Variants in MACF1 observed in about 807,000 individuals in gnomAD.
The protein encoded by MACF1 is microtubule actin crosslinking factor 1.
In MACF1, 193 loss-of-function variants were observed where a neutral mutation model predicts 854.8. That is an observed-to-expected ratio of 0.23 (90% CI 0.20 to 0.25). The LOEUF (loss-of-function observed/expected upper bound fraction) is 0.25, where lower values mean the gene tolerates loss of function less well. Among genes scored for constraint, MACF1 ranks in the 10% least tolerant of loss-of-function variants. The pLI, the probability that MACF1 is intolerant of heterozygous loss-of-function variation, is 1.00. For synonymous variants in MACF1, 3,185 were observed against 3,226.7 expected (o/e 0.99, Z 0.44); for missense variants, 7,722 against 8,929.1 (o/e 0.86, Z 5.45).
intron 2 of MACF1, among the ~76,000 whole-genome samples, chr1:39,125,272 C>T (rs565896889): frequency 6.6e-6 from 1 of 152,256 alleles, no homozygotes; most frequent in East Asian, 1.9e-4. Context: ...CTTGTTCAAG[C>T]AGGTTGGTGT....
In MACF1 at chr1:39,300,367, G is replaced by A; in HGVS notation, c.2634+5G>A. On this transcript the variant is annotated splice_donor_5th_base_variant and intron_variant, in intron 22 of 100. Transcript: ENST00000564288. The stretch of plus-strand genomic sequence containing the variant: ...TGTGACTACAGGCAGATCGAGGTGA[G>A]GAGGTAGAAAGGGTACCTCTGGGCC... 1 of 1,613,330 alleles carries A rather than the reference G, an allele frequency of 6.2e-7. No individual in the cohort carries two copies. The highest frequency in any genetic ancestry group is 8.5e-7 in the Non-Finnish European group (1 of 1,179,704).
Position 39,430,869 on chromosome 1 carries a change from G to C in MACF1, c.17298G>C (p.Arg5766Ser), listed in dbSNP as rs774818890. 6.2e-6 allele frequency: 10 copies of C among 1,612,388 alleles called. No individual in the cohort carries two copies. The highest frequency in any genetic ancestry group is 1.3e-5 in the African/African-American group (1 of 74,812). ...YKLVSDTIGQ[R>S]VDEIDAAIQR... ...TAGTCAGTGACACTATTGGACAAAG[G>C]GTGGATGAAATTGATGCTGCTATTC... Residue 5766 changes from arginine (R) to serine (S), a missense_variant, in exon 66 of 101, where the codon AGG (arginine) becomes AGC (serine). Physicochemically the swap from Arg to Ser is moderately radical, Grantham distance 110 (BLOSUM62 -1). This residue lies in a region of MACF1 where 2,807 missense variants were observed against 3,235.8 expected (regional missense o/e 0.87). Transcript: ENST00000564288.
At chr1:39,220,481 A>ATTTTTTTT (rs370805398) in intron 1 of MACF1, among the ~76,000 whole-genome samples, 1 of 126,428 alleles carries the variant, frequency 7.9e-6, no homozygotes, top group Non-Finnish European at 1.6e-5. Context: ...CCTTTAATGA[A>ATTTTTTTT]TTTTTTTTTT....
At chr1:39,180,356 CTG>C (rs1222405930) in intron 2 of MACF1, among the ~76,000 whole-genome samples, 8 of 152,068 alleles carry the variant, frequency 5.3e-5, no homozygotes, top group Non-Finnish European at 8.8e-5. Context: ...TGGCTCGTAT[CTG>C]TAATCCCAGC....
chr1:39,403,388 C>A (rs1273336464), intron 58 of MACF1, among the ~76,000 whole-genome samples: 1 of 152,078 alleles, frequency 6.6e-6, no homozygotes, highest in Non-Finnish European at 1.5e-5. Context: ...TGTGAGCCAC[C>A]ACGCCTGGCC....
At chr1:39,118,557 A>G (rs1267084745) in intron 2 of MACF1, among the ~76,000 whole-genome samples, 2 of 152,208 alleles carry the variant, frequency 1.3e-5, no homozygotes, top group Non-Finnish European at 2.9e-5. Context: ...CCTGTGGGAG[A>G]GAAAGATAGA....
intron 2 of MACF1, among the ~76,000 whole-genome samples, chr1:39,092,016 G>A (rs4660401): frequency 0.41 from 62,699 of 152,052 alleles, 13,950 homozygotes; most frequent in South Asian, 0.67. Flanking sequence ...ACTGAGCTAC[G>A]TTGCAAGTCC....
At chr1:39,223,372 C>T (rs1236491989) in intron 1 of MACF1, among the ~76,000 whole-genome samples, 3 of 152,214 alleles carry the variant, frequency 2.0e-5, no homozygotes, top group Non-Finnish European at 4.4e-5. Context: ...AGTTTGACTT[C>T]ATGACTTACC....
intron 58 of MACF1, among the ~76,000 whole-genome samples, chr1:39,418,690 C>G (rs1412463775): frequency 3.3e-5 from 5 of 152,196 alleles, no homozygotes; most frequent in African/African-American, 1.2e-4. Context: ...TGGTGAAACC[C>G]TGTCTCTACC....
intron 55 of MACF1, among the ~76,000 whole-genome samples, chr1:39,381,380 G>GC (rs990323077): frequency 3.0e-5 from 4 of 131,702 alleles, no homozygotes; most frequent in African/African-American, 9.0e-5. Context: ...TTTTTTTTTG[G>GC]GGGGGGGGAC....
At position 39,458,060 on chromosome 1, in the gene MACF1, TGAAC is replaced by T. The variant is rs533317835; in HGVS notation, c.21076-309_21076-306del. The T allele has an allele frequency of 2.3e-5, 5 of 219,906 alleles. No homozygotes were observed. In the South Asian group the frequency reaches 5.9e-4, roughly 26 times the overall value. The allele number at this position is 219,906 out of a possible 1,614,324, so 13.6% of individuals were successfully genotyped here. ...TCCTTTTAAACAGCCAGTTCTCATG[TGAAC>T]TAACAGCAAGAACTCACTCATTACC... On this transcript the variant is annotated intron_variant, in intron 89 of 100. Coordinates refer to ENST00000564288, the MANE Select transcript of MACF1 (RefSeq NM_001394062.1).
At chr1:39,342,887 C>T (rs528594298) in intron 40 of MACF1, among the ~76,000 whole-genome samples, 1 of 152,190 alleles carries the variant, frequency 6.6e-6, no homozygotes, top group East Asian at 1.9e-4. Context: ...TGCAAAAGAC[C>T]TATTTCTGTT....
At chr1:39,406,969 A>T (rs1283553197) in intron 58 of MACF1, among the ~76,000 whole-genome samples, 1 of 152,208 alleles carries the variant, frequency 6.6e-6, no homozygotes, top group African/African-American at 2.4e-5. Context: ...GGAAAATTAA[A>T]ACCTGGATTC....
At chr1:39,308,848 G>T (rs1040294304) in intron 23 of MACF1, among the ~76,000 whole-genome samples, 1 of 151,908 alleles carries the variant, frequency 6.6e-6, no homozygotes, top group Non-Finnish European at 1.5e-5. Context: ...TAGAGATGGG[G>T]TTTCTCCTTG....
At chr1:39,144,622 A>G (rs966859577) in intron 2 of MACF1, among the ~76,000 whole-genome samples, 1 of 149,266 alleles carries the variant, frequency 6.7e-6, no homozygotes, top group African/African-American at 2.5e-5. Context: ...ATATCAGAGC[A>G]TGGCCTGGAA....
intron 5 of MACF1, chr1:39,254,685 T>A: frequency 3.3e-6 from 1 of 304,494 alleles, no homozygotes; most frequent in Non-Finnish European, 6.1e-6. Context: ...AGAAAAGAGA[T>A]GGAAAAAAGG....
intron 87 of MACF1, among the ~76,000 whole-genome samples, chr1:39,453,311 G>T (rs914508464): frequency 6.6e-6 from 1 of 152,016 alleles, no homozygotes; most frequent in African/African-American, 2.4e-5. Context: ...TCTGTTATGG[G>T]TATTTTTTAA....
chr1:39,485,059 T>C, intron 100 of MACF1: 1 of 386,666 alleles, frequency 2.6e-6, no homozygotes, highest in Middle Eastern at 7.1e-4. Flanking sequence ...TTGCTAGTAA[T>C]TTTTCCAACA....
chr1:39,221,200 T>A (rs1219528220), intron 1 of MACF1, among the ~76,000 whole-genome samples: 1 of 152,204 alleles, frequency 6.6e-6, no homozygotes, highest in Non-Finnish European at 1.5e-5. Flanking sequence ...GTTCTTTATC[T>A]TCTTGAACCA....
Sources: allele counts gnomAD v4.1 joint callset (sites outside exome capture counted in the v4.1 genomes callset), GRCh38; gene constraint gnomAD v4.1.1; regional missense constraint gnomAD v4.1.1; transcripts MANE v1.5; gene names NCBI Gene and HGNC (gene_info 2026-07-23, HGNC 2026-07-21).